Variants in ANO3 observed in about 807,000 individuals in gnomAD.
ANO3 encodes the protein anoctamin 3.
In ANO3, 99 loss-of-function variants were observed where a neutral mutation model predicts 144.8. The ratio of observed to expected loss-of-function variants is 0.68; its 90% CI spans 0.58 to 0.81. ANO3 has a LOEUF of 0.81. Among genes scored for constraint, ANO3 ranks in the 30% least tolerant of loss-of-function variants. The pLI is 0.00. For missense variants in ANO3, 905 were observed against 1,202.2 expected (o/e 0.75, Z 3.66); for synonymous variants, 414 against 392.6 (o/e 1.05, Z -0.64).
At chr11:26,359,875 TA>T (rs1457469916) in intron 1 of ANO3, among the ~76,000 whole-genome samples, 1 of 88,670 alleles carries the variant, frequency 1.1e-5, no homozygotes, top group Non-Finnish European at 2.1e-5. Context: ...TATGTCAGAC[TA>T]GTGTGTGTGT....
At chr11:26,472,198 C>T (rs927528965) in intron 4 of ANO3, among the ~76,000 whole-genome samples, 4 of 151,902 alleles carry the variant, frequency 2.6e-5, no homozygotes, top group South Asian at 2.1e-4. Flanking sequence ...GATCAGAAAC[C>T]GTGTTATTTG....
intron 6 of ANO3, among the ~76,000 whole-genome samples, chr11:26,517,180 T>A (rs566933713): frequency 5.9e-5 from 9 of 152,110 alleles, no homozygotes; most frequent in Admixed American, 2.6e-4. Context: ...ATTTTCAATT[T>A]TAACTTACAA....
intron 1 of ANO3, among the ~76,000 whole-genome samples, chr11:26,218,759 T>C (rs1852083528): frequency 6.6e-6 from 1 of 152,144 alleles, no homozygotes. Context: ...GTTTTTTTCT[T>C]AAGGGAAAAA....
chr11:26,501,131 C>CACAG (rs1861179191), intron 4 of ANO3, among the ~76,000 whole-genome samples: 1 of 152,122 alleles, frequency 6.6e-6, no homozygotes, highest in South Asian at 2.1e-4. Context: ...AAACCTAGAA[C>CACAG]ACAGATACTT....
At chr11:26,289,375 A>G (rs890348963) in intron 1 of ANO3, among the ~76,000 whole-genome samples, 11 of 151,436 alleles carry the variant, frequency 7.3e-5, no homozygotes, top group African/African-American at 2.7e-4. Context: ...GAATATAAGT[A>G]ATTTGACACC....
chr11:26,511,955 CT>C (rs1313472513), intron 5 of ANO3, among the ~76,000 whole-genome samples: 2 of 152,054 alleles, frequency 1.3e-5, no homozygotes, highest in East Asian at 3.9e-4. Context: ...TTAAGTCATT[CT>C]TTTTTGTTAG....
intron 11 of ANO3, among the ~76,000 whole-genome samples, chr11:26,545,713 TAAA>T (rs5790585): frequency 0.66 from 97,568 of 148,884 alleles, 31,927 homozygotes; most frequent in East Asian, 0.79. Context: ...GCACAAATAT[TAAA>T]AAAAAAAAAA....
At chr11:26,566,351 A>C (rs1390971317) in intron 14 of ANO3, among the ~76,000 whole-genome samples, 1 of 152,042 alleles carries the variant, frequency 6.6e-6, no homozygotes, top group Non-Finnish European at 1.5e-5. Context: ...GTCATTTGAA[A>C]TATTTATTAT....
chr11:26,404,941 G>GTATA (rs1857240814), intron 1 of ANO3, among the ~76,000 whole-genome samples: 2 of 28,526 alleles, frequency 7.0e-5, no homozygotes, highest in Non-Finnish European at 2.1e-4. Context: ...ATATGTGTGT[G>GTATA]TGTGTGTGTG....
intron 1 of ANO3, among the ~76,000 whole-genome samples, chr11:26,412,366 T>C (rs899073521): frequency 6.6e-6 from 1 of 152,028 alleles, no homozygotes; most frequent in Non-Finnish European, 1.5e-5. Context: ...AATATTTGAC[T>C]AGACAAAAAT....
At chr11:26,190,669 G>A (rs1250612163) in intron 1 of ANO3, among the ~76,000 whole-genome samples, 2 of 151,834 alleles carry the variant, frequency 1.3e-5, no homozygotes, top group African/African-American at 2.4e-5. Flanking sequence ...TCTTTATGCC[G>A]TTAGATTCAA....
intron 21 of ANO3, among the ~76,000 whole-genome samples, chr11:26,640,187 C>G (rs768533779): frequency 6.7e-6 from 1 of 148,410 alleles, no homozygotes; most frequent in Non-Finnish European, 1.5e-5. Context: ...TTCCTTCTCT[C>G]TTCCTTGCTA....
chr11:26,276,213 T>C (rs1385585665), intron 1 of ANO3, among the ~76,000 whole-genome samples: 1 of 152,146 alleles, frequency 6.6e-6, no homozygotes, highest in Non-Finnish European at 1.5e-5. Flanking sequence ...TACTTATTTG[T>C]CCTCAAATAT....
chr11:26,438,609 G>T (rs56094541), intron 1 of ANO3, among the ~76,000 whole-genome samples: 1 of 73,310 alleles, frequency 1.4e-5, no homozygotes, highest in Non-Finnish European at 2.4e-5. Context: ...AAAAAAAAAA[G>T]AAAAAAAAAA....
At position 26,194,489 on chromosome 11, in the gene ANO3, T is replaced by TG. The variant is rs772353732; in HGVS notation, c.154+5159_154+5160insG. Among the ~76,000 whole-genome samples the TG allele has an allele frequency of 1.2e-3, 183 of 146,920 alleles. 2 individuals are homozygous for TG. Among genetic ancestry groups the TG allele is most frequent in the Middle Eastern group, 7.0e-3 (2 of 284 alleles). On this transcript the variant is annotated intron_variant, in intron 1 of 27. Coordinates refer to the ANO3 transcript ENST00000672621. ...GTGTGTGTGTGTGTGTGTGTGTGTA[T>TG]TATTTATTTATTTATTTATTTATTA... is the stretch of plus-strand genomic sequence containing the variant.
intron 21 of ANO3, among the ~76,000 whole-genome samples, chr11:26,640,459 CTT>C (rs1323545273): frequency 1.3e-5 from 2 of 152,154 alleles, no homozygotes; most frequent in African/African-American, 4.8e-5. Flanking sequence ...TCTTGGGTCA[CTT>C]CTTTAAAACT....
intron 1 of ANO3, among the ~76,000 whole-genome samples, chr11:26,235,501 T>C (rs1354103257): frequency 6.6e-6 from 1 of 152,106 alleles, no homozygotes; most frequent in Non-Finnish European, 1.5e-5. Context: ...ATAATGTATT[T>C]ATATGTTTAC....
chr11:26,199,302 C>T (rs566511363), intron 1 of ANO3, among the ~76,000 whole-genome samples: 2 of 152,132 alleles, frequency 1.3e-5, no homozygotes, highest in African/African-American at 4.8e-5. Flanking sequence ...GTCCCTAAGG[C>T]AACATTTTAC....
chr11:26,490,592 G>A lies in ANO3; in HGVS notation c.433-17512G>A, dbSNP rs148840738. Among the ~76,000 whole-genome samples, 56 of 152,244 alleles carry A rather than the reference G, an allele frequency of 3.7e-4. 1 individual carries two copies. The highest frequency in any genetic ancestry group is 1.2e-3 in the African/African-American group (48 of 41,550). ...GAGACTGCCCATTAAGATATTCCAC[G>A]TATCTGAAATAATAAAACAGTATAA... On this transcript the variant is annotated intron_variant, in intron 4 of 26. Transcript: ENST00000256737.
Sources: allele counts gnomAD v4.1 joint callset (sites outside exome capture counted in the v4.1 genomes callset), GRCh38; gene constraint gnomAD v4.1.1; transcripts MANE v1.5; gene names NCBI Gene and HGNC (gene_info 2026-07-23, HGNC 2026-07-21).